ATP2B2: variants seen among roughly 807,000 people sequenced by gnomAD.
ATP2B2 encodes the protein ATPase plasma membrane Ca2+ transporting 2.
In ATP2B2, 15 loss-of-function variants were observed where a neutral mutation model predicts 120.0. The observed-to-expected ratio is 0.12, with a 90% CI of 0.08 to 0.19. ATP2B2 has a LOEUF of 0.19. Ranked by LOEUF, ATP2B2 falls within the 10% of genes least tolerant of loss-of-function variation. The probability of loss-of-function intolerance (pLI) is 1.00; values close to 1 mark genes in which losing one functional copy is unlikely to be tolerated. For missense variants in ATP2B2, 1,045 were observed against 1,719.8 expected (o/e 0.61, Z 6.94); for synonymous variants, 694 against 700.3 (o/e 0.99, Z 0.14).
At chr3:10,679,399 A>T (rs1354273020) in intron 1 of ATP2B2, among the ~76,000 whole-genome samples, 1 of 152,116 alleles carries the variant, frequency 6.6e-6, no homozygotes, top group Non-Finnish European at 1.5e-5. Context: ...TTCCCTTACA[A>T]ATGGCAGGGA....
At chr3:10,438,782 G>A (rs1018768939) in intron 2 of ATP2B2, among the ~76,000 whole-genome samples, 6 of 152,224 alleles carry the variant, frequency 3.9e-5, no homozygotes, top group African/African-American at 1.4e-4. Flanking sequence ...GACCCAGGCT[G>A]GGTGGATGAC....
chr3:10,528,071 G>A (rs1688816610), intron 3 of ATP2B2, among the ~76,000 whole-genome samples: 1 of 152,182 alleles, frequency 6.6e-6, no homozygotes, highest in Non-Finnish European at 1.5e-5. Context: ...TGGGTGGCGG[G>A]CATAACTCTG....
intron 1 of ATP2B2, among the ~76,000 whole-genome samples, chr3:10,664,057 T>C (rs2070860411): frequency 6.6e-6 from 1 of 151,854 alleles, no homozygotes; most frequent in Non-Finnish European, 1.5e-5. Flanking sequence ...CCCCAGAATC[T>C]CAGTAGTGCC....
chr3:10,446,463 C>G (rs2063839680), intron 2 of ATP2B2, among the ~76,000 whole-genome samples: 1 of 152,188 alleles, frequency 6.6e-6, no homozygotes, highest in Non-Finnish European at 1.5e-5. Context: ...TGTCCTCCCC[C>G]AGCCCTGTGA....
chr3:10,486,597 G>A (rs902184724), intron 1 of ATP2B2, among the ~76,000 whole-genome samples: 6 of 152,090 alleles, frequency 3.9e-5, no homozygotes, highest in Admixed American at 2.6e-4. Context: ...TCCCCAGATG[G>A]TGGCATCTTG....
intron 2 of ATP2B2, among the ~76,000 whole-genome samples, chr3:10,602,861 C>A (rs1423189375): frequency 6.6e-6 from 1 of 152,154 alleles, no homozygotes; most frequent in Non-Finnish European, 1.5e-5. Context: ...TGAACTGGGC[C>A]ACACCTGGTA....
chr3:10,448,966 C>G (rs1254332668), intron 2 of ATP2B2, among the ~76,000 whole-genome samples: 1 of 152,220 alleles, frequency 6.6e-6, no homozygotes, highest in South Asian at 2.1e-4. Flanking sequence ...GGCCTGGGTG[C>G]AGGTTCCATG....
intron 22 of ATP2B2, chr3:10,336,133 G>A (rs778405394): frequency 1.5e-5 from 24 of 1,550,408 alleles, no homozygotes; most frequent in Admixed American, 2.0e-5. Flanking sequence ...ACTCACGCCC[G>A]GCTGCAGCAG....
intron 10 of ATP2B2, among the ~76,000 whole-genome samples, chr3:10,376,738 T>C (rs564020905): frequency 6.6e-6 from 1 of 152,240 alleles, no homozygotes; most frequent in South Asian, 2.1e-4. Context: ...GTGGCTGACG[T>C]GTTAGTCCCA....
intron 2 of ATP2B2, among the ~76,000 whole-genome samples, chr3:10,593,584 A>C (rs2068694313): frequency 6.6e-6 from 1 of 152,184 alleles, no homozygotes; most frequent in Admixed American, 6.5e-5. Flanking sequence ...TAAAGACTTA[A>C]ATGTTAGACC....
intron 1 of ATP2B2, among the ~76,000 whole-genome samples, chr3:10,688,982 T>C (rs1021859504): frequency 1.3e-5 from 2 of 151,724 alleles, no homozygotes; most frequent in Middle Eastern, 3.4e-3. Context: ...GGTGTGGGGG[T>C]GGGGAGGAGG....
chr3:10,626,705 A>G (rs2069712196), intron 1 of ATP2B2: 1 of 152,106 alleles, frequency 6.6e-6, no homozygotes, highest in African/African-American at 2.4e-5. Context: ...GGATGAATGG[A>G]GATGTCAATG....
intron 2 of ATP2B2, among the ~76,000 whole-genome samples, chr3:10,609,078 G>A (rs1294324657): frequency 6.6e-6 from 1 of 152,188 alleles, no homozygotes; most frequent in East Asian, 1.9e-4. Flanking sequence ...GAGCAGGAAC[G>A]GACTCTGAGC....
At chr3:10,393,645 G>C (rs1251507369) in intron 5 of ATP2B2, among the ~76,000 whole-genome samples, 4 of 152,212 alleles carry the variant, frequency 2.6e-5, no homozygotes, top group African/African-American at 9.6e-5. Flanking sequence ...AGGGGGGCCA[G>C]AGCGTGGTGG....
At chr3:10,664,006 G>A (rs892949154) in intron 1 of ATP2B2, among the ~76,000 whole-genome samples, 3 of 152,194 alleles carry the variant, frequency 2.0e-5, no homozygotes, top group African/African-American at 7.2e-5. Flanking sequence ...CCACAGGACA[G>A]CAAGCATCTT....
At position 10,401,081 on chromosome 3, in the gene ATP2B2, G is replaced by A. The variant is rs768979754; in HGVS notation, c.656-3C>T. On this transcript the variant is annotated splice_polypyrimidine_tract_variant and splice_region_variant and intron_variant, in intron 4 of 22. Coordinates refer to ENST00000360273, the MANE Select transcript of ATP2B2 (RefSeq NM_001001331.4). ...GCCGTCGGCAGGGAGGAGGTCACCT[G>A]GCAAGAGGAAGGGCAGGGGAGTCAG... is the stretch of plus-strand genomic sequence containing the variant. 1.2e-6 allele frequency: 2 copies of A among 1,613,822 alleles called. No homozygotes were observed. The highest frequency in any genetic ancestry group is 2.2e-5 in the East Asian group (1 of 44,860).
intron 2 of ATP2B2, among the ~76,000 whole-genome samples, chr3:10,572,498 T>C (rs529084336): frequency 2.1e-4 from 32 of 152,338 alleles, no homozygotes; most frequent in African/African-American, 7.2e-4. Context: ...ATGGCTAAAA[T>C]GGTAAATTTT....
chr3:10,682,137 C>T (rs999008189), intron 1 of ATP2B2, among the ~76,000 whole-genome samples: 6 of 152,292 alleles, frequency 3.9e-5, no homozygotes, highest in Non-Finnish European at 4.4e-5. Flanking sequence ...TTCCATAACA[C>T]GAGACTGATG....
intron 2 of ATP2B2, among the ~76,000 whole-genome samples, chr3:10,551,300 A>G (rs1302019750): frequency 2.0e-5 from 3 of 152,246 alleles, no homozygotes; most frequent in Non-Finnish European, 4.4e-5. Flanking sequence ...CGCAGCCTGC[A>G]GTGAAGCAGG....
Sources: allele counts gnomAD v4.1 joint callset (sites outside exome capture counted in the v4.1 genomes callset), GRCh38; gene constraint gnomAD v4.1.1; transcripts MANE v1.5; gene names NCBI Gene and HGNC (gene_info 2026-07-23, HGNC 2026-07-21).